The following GBE1 variants were observed in gnomAD, a reference collection of about 807,000 sequenced individuals.
GBE1 encodes the protein 1,4-alpha-glucan branching enzyme 1.
Under a neutral mutation model 88.8 loss-of-function variants are expected in GBE1, and 70 were observed. The observed-to-expected ratio is 0.79, with a 90% CI of 0.65 to 0.96. The LOEUF is 0.96. GBE1 is among the 40% of genes least tolerant of loss of function. The pLI, the probability that GBE1 is intolerant of heterozygous loss-of-function variation, is 0.00. For missense variants in GBE1, 872 were observed against 871.0 expected (o/e 1.00, Z -0.01); for synonymous variants, 284 against 300.1 (o/e 0.95, Z 0.56).
intron 12 of GBE1, among the ~76,000 whole-genome samples, chr3:81,568,031 T>C (rs910466119): frequency 6.6e-6 from 1 of 152,222 alleles, no homozygotes; most frequent in Non-Finnish European, 1.5e-5. Flanking sequence ...TCCCCCAGCA[T>C]TTTCCCACCC....
intron 10 of GBE1, among the ~76,000 whole-genome samples, chr3:81,585,162 A>T (rs948891178): frequency 3.3e-5 from 5 of 152,140 alleles, no homozygotes; most frequent in Non-Finnish European, 7.4e-5. Context: ...AATTATTATA[A>T]ATGTAGAAGC....
intron 8 of GBE1, among the ~76,000 whole-genome samples, chr3:81,593,532 G>A (rs1308919876): frequency 6.6e-6 from 1 of 151,588 alleles, no homozygotes; most frequent in African/African-American, 2.4e-5. Context: ...AGGTAAATCT[G>A]CAATTAAAAT....
At chr3:81,745,310 G>A (rs1004737347) in intron 1 of GBE1, among the ~76,000 whole-genome samples, 2 of 152,034 alleles carry the variant, frequency 1.3e-5, no homozygotes, top group African/African-American at 4.8e-5. Context: ...GTATATACAT[G>A]TATTACTTAT....
intron 7 of GBE1, among the ~76,000 whole-genome samples, chr3:81,633,550 C>T (rs552615296): frequency 6.6e-6 from 1 of 152,206 alleles, no homozygotes; most frequent in African/African-American, 2.4e-5. Flanking sequence ...TTTAACTATA[C>T]AGATTTCTTT....
At chr3:81,605,336 G>A (rs1576166965) in intron 7 of GBE1, among the ~76,000 whole-genome samples, 4 of 152,084 alleles carry the variant, frequency 2.6e-5, no homozygotes, top group South Asian at 2.1e-4. Flanking sequence ...TATAATATCC[G>A]AATTAAGGAT....
chr3:81,521,609 C>T (rs906995003), intron 14 of GBE1, among the ~76,000 whole-genome samples: 4 of 151,364 alleles, frequency 2.6e-5, no homozygotes, highest in African/African-American at 9.7e-5. Flanking sequence ...ACTCTTAAAG[C>T]TAAGCTTGGA....
intron 1 of GBE1, among the ~76,000 whole-genome samples, chr3:81,728,673 A>G (rs1361911130): frequency 6.6e-6 from 1 of 152,160 alleles, no homozygotes; most frequent in Non-Finnish European, 1.5e-5. Context: ...GAGTGAAAAA[A>G]GGACAAGAAG....
At chr3:81,679,056 A>C (rs908417109) in intron 2 of GBE1, among the ~76,000 whole-genome samples, 6 of 152,198 alleles carry the variant, frequency 3.9e-5, no homozygotes, top group African/African-American at 1.4e-4. Context: ...GCAAGGGAAC[A>C]GATGAAACAA....
In GBE1 at chr3:81,632,350, C is replaced by G. The variant is rs539023141; in HGVS notation, c.992+10431G>C. 4.6e-5 allele frequency among the ~76,000 whole-genome samples: 7 copies of G among 151,978 alleles called. No individual in the cohort carries two copies. The East Asian group carries it at 1.4e-3, about 29-fold the overall frequency. ...ATCCAGAGTCTACAAAGAACTTAAA[C>G]AAATTTACGAGAAAAAAACAAACAA... On this transcript the variant is annotated intron_variant, in intron 7 of 15. Transcript: ENST00000429644.
chr3:81,528,220 G>T (rs868159314), intron 14 of GBE1, among the ~76,000 whole-genome samples: 1,762 of 143,270 alleles, frequency 0.012, 25 homozygotes, highest in African/African-American at 0.033. Context: ...CCTGTTGTGG[G>T]GTGGGAGGAG....
chr3:81,544,407 AATAG>A (rs763361819), intron 12 of GBE1, among the ~76,000 whole-genome samples: 12 of 152,256 alleles, frequency 7.9e-5, no homozygotes, highest in Non-Finnish European at 1.5e-4. Flanking sequence ...TCAGTAGTGT[AATAG>A]ATAGAATGTT....
chr3:81,711,589 T>C (rs1705865992), intron 1 of GBE1, among the ~76,000 whole-genome samples: 1 of 152,166 alleles, frequency 6.6e-6, no homozygotes, highest in East Asian at 1.9e-4. Context: ...CATGCTGCTT[T>C]GGTTAGTGCA....
At position 81,682,964 on chromosome 3, in the gene GBE1, C is replaced by T. The variant is rs533848646; in HGVS notation, c.314-12011G>A. Among the ~76,000 whole-genome samples, 3 of 152,274 alleles carry T rather than the reference C, an allele frequency of 2.0e-5. No homozygotes were observed. In the East Asian group the frequency reaches 5.8e-4, roughly 29 times the overall value. ...ACACTACAACATGGAACCTTGTACA[C>T]ATGCTAAGTGAAAGAATCACATCAC... On this transcript the variant is annotated intron_variant, in intron 2 of 15. Coordinates refer to ENST00000429644, the MANE Select transcript of GBE1 (RefSeq NM_000158.4).
chr3:81,565,872 A>C (rs1478044906), intron 12 of GBE1, among the ~76,000 whole-genome samples: 3 of 152,216 alleles, frequency 2.0e-5, no homozygotes, highest in Non-Finnish European at 4.4e-5. Flanking sequence ...TTTGCATATA[A>C]ATCTATTTAC....
intron 7 of GBE1, among the ~76,000 whole-genome samples, chr3:81,636,798 G>A (rs1315735899): frequency 6.6e-6 from 1 of 152,078 alleles, no homozygotes; most frequent in Non-Finnish European, 1.5e-5. Context: ...CCAAAATGCC[G>A]GGATTACAGG....
chr3:81,675,946 C>T (rs1705245506), intron 2 of GBE1, among the ~76,000 whole-genome samples: 1 of 152,014 alleles, frequency 6.6e-6, no homozygotes, highest in African/African-American at 2.4e-5. Flanking sequence ...GCACTATTTA[C>T]AATTGAGATA....
At chr3:81,555,838 A>C (rs1177790151) in intron 12 of GBE1, among the ~76,000 whole-genome samples, 1 of 152,184 alleles carries the variant, frequency 6.6e-6, no homozygotes, top group Non-Finnish European at 1.5e-5. Context: ...TTTTAGCTGG[A>C]TAAACTGCTT....
At chr3:81,722,879 CGTGT>C (rs368999331) in intron 1 of GBE1, among the ~76,000 whole-genome samples, 6 of 142,744 alleles carry the variant, frequency 4.2e-5, no homozygotes, top group Admixed American at 7.0e-5. Flanking sequence ...GGCACACACA[CGTGT>C]GTGTGTGTGT....
chr3:81,676,723 G>A (rs1705261143), intron 2 of GBE1, among the ~76,000 whole-genome samples: 1 of 151,900 alleles, frequency 6.6e-6, no homozygotes. Context: ...CATGTGCCAT[G>A]GTGGAAAACC....
Sources: gnomAD v4.1 joint callset for allele counts (sites outside exome capture counted in the v4.1 genomes callset) on GRCh38, gnomAD v4.1.1 for gene constraint, MANE v1.5 for transcripts, NCBI Gene and HGNC (gene_info 2026-07-23, HGNC 2026-07-21) for gene names.